The following DENND1A variants were observed in gnomAD, a reference collection of about 807,000 sequenced individuals.
DENND1A encodes the protein DENN domain containing 1A.
DENND1A carries 51 observed loss-of-function variants against 113.7 expected under a neutral mutation model. The ratio of observed to expected loss-of-function variants is 0.45; its 90% CI spans 0.36 to 0.57. DENND1A has a LOEUF of 0.57. DENND1A is among the 20% of genes least tolerant of loss of function. DENND1A has a pLI of 0.00. For missense variants in DENND1A, 1,258 were observed against 1,395.9 expected (o/e 0.90, Z 1.57); for synonymous variants, 565 against 570.8 (o/e 0.99, Z 0.14).
intron 21 of DENND1A, among the ~76,000 whole-genome samples, chr9:123,397,622 T>C (rs2043202050): frequency 6.6e-6 from 1 of 152,184 alleles, no homozygotes; most frequent in Non-Finnish European, 1.5e-5. Flanking sequence ...CAAGTCCACA[T>C]GCTGGCATAT....
intron 1 of DENND1A, among the ~76,000 whole-genome samples, chr9:123,897,428 T>C (rs1564464829): frequency 1.3e-5 from 2 of 152,184 alleles, no homozygotes; most frequent in Non-Finnish European, 2.9e-5. Flanking sequence ...GAAGGAACCT[T>C]TCCCTACAAC....
At chr9:123,597,290 A>C (rs2059738967) in intron 11 of DENND1A, among the ~76,000 whole-genome samples, 1 of 152,194 alleles carries the variant, frequency 6.6e-6, no homozygotes, top group African/African-American at 2.4e-5. Context: ...TTACGGACTT[A>C]ATCAGAGTGA....
At chr9:123,546,188 G>A (rs1233989088) in intron 13 of DENND1A, among the ~76,000 whole-genome samples, 3 of 152,096 alleles carry the variant, frequency 2.0e-5, no homozygotes, top group Non-Finnish European at 4.4e-5. Context: ...TTACACATTC[G>A]TGATGTGGTG....
intron 19 of DENND1A, among the ~76,000 whole-genome samples, chr9:123,427,522 C>T (rs1292100774): frequency 2.0e-5 from 3 of 152,270 alleles, no homozygotes; most frequent in South Asian, 2.1e-4. Context: ...TCTTCTGTCC[C>T]TCCTCTATCT....
At chr9:123,403,332 G>T in intron 21 of DENND1A, 70 bp downstream of exon 21, 1 of 1,533,706 alleles carries the variant, frequency 6.5e-7, no homozygotes. Context: ...CTACACGCTT[G>T]GGCTTCGCAA....
At chr9:123,396,477 G>A (rs966892569) in intron 21 of DENND1A, among the ~76,000 whole-genome samples, 4 of 152,278 alleles carry the variant, frequency 2.6e-5, no homozygotes, top group Non-Finnish European at 2.9e-5. Flanking sequence ...GTCTAGGCTC[G>A]AGGAGGGCAA....
At chr9:123,529,368 G>A (rs891810175) in intron 13 of DENND1A, among the ~76,000 whole-genome samples, 1 of 152,116 alleles carries the variant, frequency 6.6e-6, no homozygotes, top group Non-Finnish European at 1.5e-5. Context: ...CTCTGTGGGC[G>A]CTTAACAAAT....
chr9:123,438,341 C>A (rs953772067), intron 19 of DENND1A, among the ~76,000 whole-genome samples: 1 of 152,114 alleles, frequency 6.6e-6, no homozygotes, highest in Non-Finnish European at 1.5e-5. Context: ...AAGAAGGGGC[C>A]GGCATAAGTG....
chr9:123,591,841 C>T (rs1236035822), intron 11 of DENND1A, among the ~76,000 whole-genome samples: 3 of 152,122 alleles, frequency 2.0e-5, no homozygotes, highest in South Asian at 2.1e-4. Flanking sequence ...ATAATAATAA[C>T]GATGGCAATG....
chr9:123,391,440 G>T (rs1484912642), intron 21 of DENND1A, among the ~76,000 whole-genome samples: 1 of 152,178 alleles, frequency 6.6e-6, no homozygotes, highest in African/African-American at 2.4e-5. Flanking sequence ...AGACAAAGTA[G>T]CCAAGGCTCA....
At chr9:123,867,750 T>C (rs1845985886) in intron 2 of DENND1A, among the ~76,000 whole-genome samples, 2 of 151,978 alleles carry the variant, frequency 1.3e-5, no homozygotes, top group African/African-American at 4.8e-5. Context: ...CACACTCCCT[T>C]ATCCTCCAAT....
chr9:123,394,912 G>A (rs142670028), intron 21 of DENND1A, among the ~76,000 whole-genome samples: 145 of 152,352 alleles, frequency 9.5e-4, no homozygotes, highest in African/African-American at 3.3e-3. Context: ...GTGGGGGCAA[G>A]AAAGTAGTGG....
At chr9:123,534,657 C>A (rs1260561269) in intron 13 of DENND1A, among the ~76,000 whole-genome samples, 2 of 152,160 alleles carry the variant, frequency 1.3e-5, no homozygotes, top group African/African-American at 4.8e-5. Context: ...TCTGCCTTCC[C>A]GATTTTTGCT....
chr9:123,555,462 G>A (rs1014684573), intron 13 of DENND1A, among the ~76,000 whole-genome samples: 1 of 152,140 alleles, frequency 6.6e-6, no homozygotes, highest in Non-Finnish European at 1.5e-5. Flanking sequence ...GGCTATGAGG[G>A]GCCCTGTCTC....
chr9:123,927,391 T>A (rs1373462603), intron 1 of DENND1A, among the ~76,000 whole-genome samples: 1 of 152,206 alleles, frequency 6.6e-6, no homozygotes, highest in East Asian at 1.9e-4. Flanking sequence ...TCTTCTCCAT[T>A]ACCTTAAACA....
At chr9:123,683,359 G>A (rs909781117) in intron 5 of DENND1A, among the ~76,000 whole-genome samples, 21 of 152,300 alleles carry the variant, frequency 1.4e-4, no homozygotes, top group East Asian at 5.8e-4. Flanking sequence ...TCGGGAAACT[G>A]AAGTCCTCAA....
chr9:123,815,522 C>A (rs1333146433), intron 2 of DENND1A, among the ~76,000 whole-genome samples: 2 of 152,130 alleles, frequency 1.3e-5, no homozygotes, highest in Non-Finnish European at 2.9e-5. Flanking sequence ...AAGCCCCCTT[C>A]AAAAAATTTG....
In DENND1A at chr9:123,391,761, G is replaced by GAAAAAAAAAA. The variant is rs5900572; in HGVS notation, c.1632-3913_1632-3904dup. Among the ~76,000 whole-genome samples, 4 of 110,376 alleles carry GAAAAAAAAAA rather than the reference G, an allele frequency of 3.6e-5. 1 individual carries two copies. Among genetic ancestry groups the GAAAAAAAAAA allele is most frequent in the Non-Finnish European group, 5.3e-5 (3 of 56,210 alleles). The allele number at this position is 110,376 out of a possible 152,430, so 72.4% of individuals were successfully genotyped here. ...TTTTTATTAGCTTAAGGCAGAATAT[G>GAAAAAAAAAA]AAAAAAAAAAAAAAAAAAAGCACCT... On this transcript the variant is annotated intron_variant, in intron 21 of 23. Coordinates refer to ENST00000394215, the MANE Select transcript of DENND1A (RefSeq NM_001352964.2).
intron 5 of DENND1A, among the ~76,000 whole-genome samples, chr9:123,726,662 C>T (rs1011035353): frequency 3.3e-5 from 5 of 152,036 alleles, no homozygotes; most frequent in African/African-American, 1.2e-4. Context: ...AAGAGGTATA[C>T]AGTACTTGGG....
Sources: allele counts gnomAD v4.1 joint callset (sites outside exome capture counted in the v4.1 genomes callset), GRCh38; gene constraint gnomAD v4.1.1; transcripts MANE v1.5; gene names NCBI Gene and HGNC (gene_info 2026-07-23, HGNC 2026-07-21).